COLEC11: variants seen among roughly 807,000 people sequenced by gnomAD.
COLEC11 encodes collectin-11.
In COLEC11, 20 loss-of-function variants were observed where a neutral mutation model predicts 27.3. That is an observed-to-expected ratio of 0.73 (90% confidence interval 0.51 to 1.06). The LOEUF is 1.06. Among genes scored for constraint, COLEC11 ranks in the 50% least tolerant of loss-of-function variants. The probability of loss-of-function intolerance (pLI) is 0.00; values close to 1 mark genes in which losing one functional copy is unlikely to be tolerated. For synonymous variants in COLEC11, 163 were observed against 154.7 expected (o/e 1.05, Z -0.40); for missense variants, 310 against 383.0 (o/e 0.81, Z 1.59).
chr2:3,603,680 C>T (rs751137250), intron 1 of COLEC11: 5 of 1,550,982 alleles, frequency 3.2e-6, no homozygotes. Context: ...GTACCCGCCC[C>T]TCCTGGGATG....
chr2:3,622,130 C>T (rs1412602970), intron 3 of COLEC11, among the ~76,000 whole-genome samples: 6 of 151,340 alleles, frequency 4.0e-5, no homozygotes, highest in Non-Finnish European at 7.4e-5. Flanking sequence ...GATTGTGCCA[C>T]CGCGCTCCAG....
In COLEC11 at chr2:3,600,773, T is replaced by C. The variant is rs139909918; in HGVS notation, c.-26-3542T>C. On this transcript the variant is annotated intron_variant, in intron 1 of 6. Coordinates refer to ENST00000349077, the MANE Select transcript of COLEC11 (RefSeq NM_024027.5). ...GTTGTATACACACATTAACTCCTAA[T>C]GAACTAGAAAGTGAACATCAAAAAT... Among the ~76,000 whole-genome samples the C allele has an allele frequency of 5.7e-3, 871 of 152,286 alleles. 9 individuals are homozygous for C. Among genetic ancestry groups the C allele is most frequent in the African/African-American group, 0.02 (831 of 41,554 alleles).
intron 4 of COLEC11, among the ~76,000 whole-genome samples, chr2:3,638,049 A>G (rs1558517844): frequency 6.6e-6 from 1 of 152,194 alleles, no homozygotes; most frequent in Non-Finnish European, 1.5e-5. Context: ...AGGGTGTGGG[A>G]TGGCAGCAGC....
At chr2:3,611,949 T>C (rs1193287777) in intron 2 of COLEC11, among the ~76,000 whole-genome samples, 1 of 147,884 alleles carries the variant, frequency 6.8e-6, no homozygotes, top group South Asian at 2.2e-4. Context: ...TATGATAAAA[T>C]ATATAAAACA....
rs948173667 is a variant in COLEC11 at position 3,637,584 on chromosome 2, T to C, written c.254T>C (p.Ile85Thr). 5 of 1,613,976 alleles carry C rather than the reference T, an allele frequency of 3.1e-6. No individual in the cohort carries two copies. Among genetic ancestry groups the C allele is most frequent in the Non-Finnish European group, 4.2e-6 (5 of 1,179,924 alleles). The change falls in exon 4 of 7, where the codon ATT becomes ACT. Residue 85 changes from isoleucine to threonine, a missense_variant. Transcript: ENST00000349077. ...GGCAGTGTGGGTCGTCATGGAAAAA[T>C]TGGTCCCATTGGCTCTAAAGGTATT... ...QKGSVGRHGK[I>T]GPIGSKGEKG...
chr2:3,623,864 T>C, intron 3 of COLEC11, among the ~76,000 whole-genome samples: 1 of 152,240 alleles, frequency 6.6e-6, no homozygotes, highest in Non-Finnish European at 1.5e-5. Context: ...GGTAATGTCA[T>C]GTTTCCTTGA....
At chr2:3,632,307 C>T (rs537290326) in intron 3 of COLEC11, among the ~76,000 whole-genome samples, 1 of 152,288 alleles carries the variant, frequency 6.6e-6, no homozygotes, top group East Asian at 1.9e-4. Context: ...CTCTGAACTC[C>T]TCTTCTGGAG....
chr2:3,637,588 T>A lies in COLEC11; in HGVS notation c.258T>A (p.Gly86=). ...GTGTGGGTCGTCATGGAAAAATTGG[T>A]CCCATTGGCTCTAAAGGTATTTGCA... is the stretch of plus-strand genomic sequence containing the variant. ...KGSVGRHGKI[G]PIGSKGEKGD... Residue 86 remains glycine (G), a synonymous_variant, in exon 4 of 7, where the codon GGT becomes GGA. Coordinates refer to ENST00000349077, the MANE Select transcript of COLEC11 (RefSeq NM_024027.5). 3.1e-6 allele frequency: 5 copies of A among 1,613,952 alleles called. No individual in the cohort carries two copies. The highest frequency in any genetic ancestry group is 4.2e-6 in the Non-Finnish European group (5 of 1,179,862).
At chr2:3,626,407 T>C (rs1406967766) in intron 3 of COLEC11, among the ~76,000 whole-genome samples, 2 of 145,796 alleles carry the variant, frequency 1.4e-5, no homozygotes, top group Non-Finnish European at 3.0e-5. Flanking sequence ...GCCCCCTTTT[T>C]CTGTACCTGT....
At chr2:3,603,792 C>T (rs1038021777) in intron 1 of COLEC11, 22 of 868,880 alleles carry the variant, frequency 2.5e-5, no homozygotes, top group South Asian at 9.3e-5. Context: ...CTGATCTCAC[C>T]GAGGAAGGCC....
At chr2:3,611,109 A>C (rs1434232027) in intron 2 of COLEC11, among the ~76,000 whole-genome samples, 1 of 152,232 alleles carries the variant, frequency 6.6e-6, no homozygotes, top group African/African-American at 2.4e-5. Flanking sequence ...GCAGCCACGA[A>C]GGCTTTGTTC....
At chr2:3,601,296 TC>T (rs1419582096) in intron 1 of COLEC11, among the ~76,000 whole-genome samples, 13 of 152,232 alleles carry the variant, frequency 8.5e-5, no homozygotes, top group African/African-American at 2.9e-4. Context: ...TTTGGATTTT[TC>T]TTTATTATTA....
At chr2:3,641,357 C>T (rs559971075) in intron 5 of COLEC11, 155 of 1,302,110 alleles carry the variant, frequency 1.2e-4, no homozygotes, top group Middle Eastern at 3.1e-4. Context: ...GAGCAGCATC[C>T]GCTCAGGGCA....
At chr2:3,641,377 A>C (rs1273289220) in intron 5 of COLEC11, 1 of 1,301,276 alleles carries the variant, frequency 7.7e-7, no homozygotes. Context: ...ACCTCCAGGC[A>C]CTCAGCCAAC....
intron 3 of COLEC11, among the ~76,000 whole-genome samples, chr2:3,615,141 T>C (rs1413013695): frequency 6.6e-6 from 1 of 152,112 alleles, no homozygotes; most frequent in Non-Finnish European, 1.5e-5. Flanking sequence ...TTTATTTATT[T>C]ATTTATTTTT....
chr2:3,631,405 C>T (rs1408544153), intron 3 of COLEC11, among the ~76,000 whole-genome samples: 8 of 152,214 alleles, frequency 5.3e-5, no homozygotes, highest in African/African-American at 1.7e-4. Context: ...CATCTGCCTA[C>T]TATCAGGGTG....
chr2:3,598,668 A>G (rs145846348), intron 1 of COLEC11, among the ~76,000 whole-genome samples: 18 of 150,900 alleles, frequency 1.2e-4, no homozygotes, highest in African/African-American at 4.0e-4. Flanking sequence ...GGGTGTGGGC[A>G]CAGGCAGCGG....
Position 3,637,612 on chromosome 2 carries a change from C to A in COLEC11, c.274+8C>A. On this transcript the variant is annotated splice_region_variant and intron_variant, in intron 4 of 6. Transcript: ENST00000349077. ...GTCCCATTGGCTCTAAAGGTATTTGCAATGCGATTCTTGCCTCATTTCCCC... is the reference window on the plus strand; with the variant it reads ...GTCCCATTGGCTCTAAAGGTATTTGAAATGCGATTCTTGCCTCATTTCCCC... 1 of 1,611,122 alleles carries A rather than the reference C, an allele frequency of 6.2e-7. No individual in the cohort carries two copies. Among genetic ancestry groups the A allele is most frequent in the Non-Finnish European group, 8.5e-7 (1 of 1,177,296 alleles).
intron 2 of COLEC11, among the ~76,000 whole-genome samples, chr2:3,609,909 C>T (rs1406708752): frequency 6.6e-6 from 1 of 152,260 alleles, no homozygotes; most frequent in African/African-American, 2.4e-5. Context: ...AATGATCCTC[C>T]TGCCTTGGCC....
Sources: gnomAD v4.1 joint callset for allele counts (sites outside exome capture counted in the v4.1 genomes callset) on GRCh38, gnomAD v4.1.1 for gene constraint, MANE v1.5 for transcripts, NCBI Gene and HGNC (gene_info 2026-07-23, HGNC 2026-07-21) for gene names.